TBP: variants seen among roughly 807,000 people sequenced by gnomAD.
The protein encoded by TBP is TATA-box binding protein.
A neutral mutation model predicts 46.2 loss-of-function variants in TBP; 12 were observed. That is an observed-to-expected ratio of 0.26 (90% CI 0.17 to 0.42). The LOEUF (loss-of-function observed/expected upper bound fraction) is 0.42. Among genes scored for constraint, TBP ranks in the 10% least tolerant of loss-of-function variants. The pLI, the probability that TBP is intolerant of heterozygous loss-of-function variation, is 1.00. For missense variants in TBP, 229 were observed against 403.1 expected (o/e 0.57, Z 3.70); for synonymous variants, 157 against 148.3 (o/e 1.06, Z -0.42).
In TBP at chr6:170,572,292, C is replaced by T. The variant is rs1562363539; in HGVS notation, c.*27C>T. ...GGCTCTCATGTACCCTTGCCTCCCC[C>T]ACCCCCTTCTTTTTTTTTTTTTAAA... On this transcript the variant is annotated 3_prime_UTR_variant, in exon 8 of 8. Transcript: ENST00000392092. 1.9e-6 allele frequency: 3 copies of T among 1,541,700 alleles called. No homozygotes were observed. The highest frequency in any genetic ancestry group is 1.4e-5 in the African/African-American group (1 of 71,660).
At position 170,556,909 on chromosome 6, in the gene TBP, A is replaced by G; in HGVS notation, c.-121A>G. Reference sequence around the variant, plus strand: ...TCACTGTTTCTTGGCGTGTGAAGATAACCCAAGGAATTGAGGAAGTTGCTG... The same window carrying G: ...TCACTGTTTCTTGGCGTGTGAAGATGACCCAAGGAATTGAGGAAGTTGCTG... On this transcript the variant is annotated 5_prime_UTR_variant, in exon 2 of 8. It adds an upstream start codon to the 5' untranslated region. Coordinates refer to ENST00000392092, the MANE Select transcript of TBP (RefSeq NM_003194.5). 1.1e-6 allele frequency: 1 copy of G among 892,372 alleles called. No homozygotes were observed. Among genetic ancestry groups the G allele is most frequent in the South Asian group, 1.5e-5 (1 of 64,604 alleles). 55.3% of individuals were successfully genotyped at this position (892,372 alleles called of 1,614,324 possible).
intron 4 of TBP, among the ~76,000 whole-genome samples, chr6:170,565,882 G>A (rs1779235334): frequency 6.6e-6 from 1 of 152,102 alleles, no homozygotes; most frequent in Admixed American, 6.5e-5. Context: ...AGACGAGCCT[G>A]GGCAACATAG....
rs1305796742 is a variant in TBP, at chr6:170,569,751, C to G, written c.817C>G (p.Leu273Val). 1.2e-6 allele frequency: 2 copies of G among 1,613,730 alleles called. No homozygotes were observed. Among genetic ancestry groups the G allele is most frequent in the Non-Finnish European group, 1.7e-6 (2 of 1,179,934 alleles). The change falls in exon 6 of 8, where the codon CTT becomes GTT. Residue 273 changes from leucine to valine, a missense_variant. Around this residue, in one of 4 missense-constraint regions of TBP, gnomAD observed 67 missense variants for 188.2 expected, o/e 0.36. Transcript: ENST00000392092. Reference sequence around the variant, plus strand: ...GAAGTTTCCTATAAGGTTAGAAGGCCTTGTGCTCACCCACCAACAATTTAG... The same window carrying G: ...GAAGTTTCCTATAAGGTTAGAAGGCGTTGTGCTCACCCACCAACAATTTAG... ...DVKFPIRLEG[L>V]VLTHQQFSSY...
At chr6:170,561,727 A>G in intron 2 of TBP, 64 bp from the exon 3 acceptor site, 1 of 1,566,042 alleles carries the variant, frequency 6.4e-7, no homozygotes, top group Non-Finnish European at 8.7e-7. Flanking sequence ...CTGTTCCACC[A>G]AGAAAGTTCC....
In TBP at chr6:170,572,371, T is replaced by G; in HGVS notation, c.*106T>G. ...TGGTGGTGTTGTGAGAAGATGGATG[T>G]TGAGTTGCAGGGTGTGGCACCAGGT... On this transcript the variant is annotated 3_prime_UTR_variant, in exon 8 of 8. Coordinates refer to ENST00000392092, the MANE Select transcript of TBP (RefSeq NM_003194.5). The G allele has an allele frequency of 1.0e-6, 1 of 955,716 alleles. No individual in the cohort carries two copies. The highest frequency in any genetic ancestry group is 2.5e-5 in the East Asian group (1 of 40,632). 59.2% of individuals were successfully genotyped at this position (955,716 alleles called of 1,614,324 possible). A position where few individuals can be genotyped will look rare whatever the true frequency, so the allele number is the denominator to read the frequency against.
chr6:170,561,781 C>G lies in TBP; in HGVS notation c.55-10C>G. 6.2e-7 allele frequency: 1 copy of G among 1,603,720 alleles called. No homozygotes were observed. Among genetic ancestry groups the G allele is most frequent in the South Asian group, 1.1e-5 (1 of 90,692 alleles). On this transcript the variant is annotated splice_polypyrimidine_tract_variant and intron_variant, in intron 2 of 7. Coordinates refer to ENST00000392092, the MANE Select transcript of TBP (RefSeq NM_003194.5). ...CCAGCCTAACCTGTTTTTCTCCTTG[C>G]TTTCCACAGGGTGCCATGACTCCCG...
chr6:170,567,672 G>A (rs73256702), intron 5 of TBP, among the ~76,000 whole-genome samples: 2,888 of 152,300 alleles, frequency 0.019, 95 homozygotes, highest in African/African-American at 0.066. Context: ...GCCTGGCAGC[G>A]TGACAGCATC....
At chr6:170,560,727 A>G (rs1779124268) in intron 2 of TBP, among the ~76,000 whole-genome samples, 1 of 152,230 alleles carries the variant, frequency 6.6e-6, no homozygotes, top group South Asian at 2.1e-4. Flanking sequence ...GGAAATAGCA[A>G]GTGAACTAGA....
At chr6:170,559,172 A>G (rs1414499514) in intron 2 of TBP, among the ~76,000 whole-genome samples, 1 of 152,232 alleles carries the variant, frequency 6.6e-6, no homozygotes, top group East Asian at 1.9e-4. Flanking sequence ...AGACACAACA[A>G]TATGGAAATT....
In TBP at chr6:170,559,529, A is replaced by G. The variant is rs567965440; in HGVS notation, c.55-2262A>G. ...TTAAGCCAAAGTGTAATACAGAGCA[A>G]GGCCTTAACTCTCTTCAATTCTGTA... On this transcript the variant is annotated intron_variant, in intron 2 of 7. Coordinates refer to ENST00000392092, the MANE Select transcript of TBP (RefSeq NM_003194.5). Among the ~76,000 whole-genome samples, 4 of 152,348 alleles carry G rather than the reference A, an allele frequency of 2.6e-5. No individual in the cohort carries two copies. In the South Asian group the frequency reaches 8.3e-4, roughly 32 times the overall value.
intron 1 of TBP, among the ~76,000 whole-genome samples, chr6:170,555,473 G>T (rs1228372855): frequency 3.3e-5 from 5 of 152,164 alleles, no homozygotes; most frequent in African/African-American, 1.2e-4. Flanking sequence ...CTGCTGCAGT[G>T]ACCTTCTATA....
intron 3 of TBP, among the ~76,000 whole-genome samples, chr6:170,564,137 T>TAGG (rs1426709001): frequency 6.6e-6 from 1 of 152,110 alleles, no homozygotes; most frequent in Non-Finnish European, 1.5e-5. Flanking sequence ...AATAGTTACT[T>TAGG]AGGAATAGGG....
intron 5 of TBP, among the ~76,000 whole-genome samples, chr6:170,568,759 C>A (rs1391557842): frequency 6.7e-6 from 1 of 148,860 alleles, no homozygotes; most frequent in African/African-American, 2.5e-5. Flanking sequence ...GACCTGCCTG[C>A]CTGCCTTTTT....
At chr6:170,555,901 A>C (rs746265560) in intron 1 of TBP, among the ~76,000 whole-genome samples, 2 of 152,156 alleles carry the variant, frequency 1.3e-5, no homozygotes, top group Non-Finnish European at 2.9e-5. Context: ...TTATATCCTC[A>C]TCTGCAGGAC....
Position 170,571,895 on chromosome 6 carries a change from G to C in TBP, c.941-291G>C, listed in dbSNP as rs142355912. Among the ~76,000 whole-genome samples the C allele has an allele frequency of 2.4e-3, 361 of 151,904 alleles. 2 individuals are homozygous for C. The highest frequency in any genetic ancestry group is 8.3e-3 in the African/African-American group (346 of 41,466). On this transcript the variant is annotated intron_variant, in intron 7 of 7. Coordinates refer to ENST00000392092, the MANE Select transcript of TBP (RefSeq NM_003194.5). ...ATTCAGTTGTTATCATTGCCGTCCT[G>C]CTTGGTTTATGGCCTGGTTCAGGAC...
chr6:170,564,471 A>T, intron 3 of TBP, 74 bp from the exon 4 acceptor site: 1 of 1,045,286 alleles, frequency 9.6e-7, no homozygotes, highest in Non-Finnish European at 1.4e-6. Context: ...AGATGTCTGC[A>T]TAATTTCTAA....
chr6:170,557,824 A>G (rs996327733), intron 2 of TBP, among the ~76,000 whole-genome samples: 3 of 151,696 alleles, frequency 2.0e-5, no homozygotes, highest in Non-Finnish European at 2.9e-5. Flanking sequence ...TTTGATAATT[A>G]TATATAATGT....
intron 2 of TBP, among the ~76,000 whole-genome samples, chr6:170,561,097 A>G (rs577037078): frequency 6.6e-6 from 1 of 152,336 alleles, no homozygotes; most frequent in Non-Finnish European, 1.5e-5. Flanking sequence ...GTCAGCAGCC[A>G]TCAACATCGA....
At chr6:170,565,088 C>G (rs1268137083) in intron 4 of TBP, among the ~76,000 whole-genome samples, 2 of 152,052 alleles carry the variant, frequency 1.3e-5, no homozygotes, top group Non-Finnish European at 2.9e-5. Flanking sequence ...TCCTGGGAGG[C>G]AGAGGTTGCA....
Sources: allele counts gnomAD v4.1 joint callset (sites outside exome capture counted in the v4.1 genomes callset), GRCh38; gene constraint gnomAD v4.1.1; regional missense constraint gnomAD v4.1.1; transcripts MANE v1.5; gene names NCBI Gene and HGNC (gene_info 2026-07-23, HGNC 2026-07-21).